PHF20: variants seen among roughly 807,000 people sequenced by gnomAD.
PHF20 encodes glioma-expressed antigen 2.
A neutral mutation model predicts 113.5 loss-of-function variants in PHF20; 23 were observed. The observed-to-expected ratio is 0.20, with a 90% CI of 0.15 to 0.29. The LOEUF is 0.29. Ranked by LOEUF, PHF20 falls within the 10% of genes least tolerant of loss-of-function variation. The pLI, the probability that PHF20 is intolerant of heterozygous loss-of-function variation, is 1.00. For missense variants in PHF20, 943 were observed against 1,219.6 expected, an observed-to-expected ratio of 0.77 and a Z score of 3.38; for synonymous variants, 434 against 457.3, an observed-to-expected ratio of 0.95 and a Z score of 0.65.
At chr20:35,947,350 GCCCCAT>G in intron 17 of PHF20, 129 bp from the exon 18 acceptor site, 2 of 781,384 alleles carry the variant, frequency 2.6e-6, no homozygotes, top group South Asian at 4.6e-5. Context: ...TTCCTCCCTT[GCCCCAT>G]GGAGGCTGAA....
intron 2 of PHF20, among the ~76,000 whole-genome samples, chr20:35,813,934 A>G (rs932736273): frequency 2.6e-5 from 2 of 75,974 alleles, no homozygotes; most frequent in Admixed American, 1.4e-4. Flanking sequence ...TCCGTCTCAG[A>G]AAAAAAAAAA....
Position 35,835,651 on chromosome 20 carries a change from C to T in PHF20, c.84-6922C>T, listed in dbSNP as rs186796152. Among the ~76,000 whole-genome samples, 169 of 152,178 alleles carry T rather than the reference C, an allele frequency of 1.1e-3. 1 individual carries two copies. Among genetic ancestry groups the T allele is most frequent in the Middle Eastern group, 3.4e-3 (1 of 294 alleles). On this transcript the variant is annotated intron_variant, in intron 2 of 17. Transcript: ENST00000374012. ...ATTATATTTACAGAATAAAAGAGTCCGGGCACAGTGGCTCACGCCTATAAT... is the reference window on the plus strand; with the variant it reads ...ATTATATTTACAGAATAAAAGAGTCTGGGCACAGTGGCTCACGCCTATAAT...
rs117808406 is a variant in PHF20, at chr20:35,894,877, C to T, written c.1283-4493C>T. On this transcript the variant is annotated intron_variant, in intron 9 of 17. Coordinates refer to ENST00000374012, the MANE Select transcript of PHF20 (RefSeq NM_016436.5). ...CAAGTTTTTGTTTTTGTTTTTGAGACGGAGTCTCACTCTTGTCACCCAGGC... is the reference window on the plus strand; with the variant it reads ...CAAGTTTTTGTTTTTGTTTTTGAGATGGAGTCTCACTCTTGTCACCCAGGC... Among the ~76,000 whole-genome samples, 160 of 152,246 alleles carry T rather than the reference C, an allele frequency of 1.1e-3. 3 individuals are homozygous for T. In the East Asian group the frequency reaches 0.027, roughly 26 times the overall value.
chr20:35,947,388 C>G lies in PHF20; in HGVS notation c.2897-97C>G, dbSNP rs2056104529. The G allele has an allele frequency of 6.8e-6, 9 of 1,331,818 alleles. No homozygotes were observed. The South Asian group carries it at 9.2e-5, about 14-fold the overall frequency. 82.5% of individuals were successfully genotyped at this position (1,331,818 alleles called of 1,614,324 possible). ...TGAAATGGCCCTTCCTCCCTTGCCC[C>G]ATGTCTGATGGAATAAGGTGCTGAA... is the stretch of plus-strand genomic sequence containing the variant. On this transcript the variant is annotated intron_variant, in intron 17 of 17. Transcript: ENST00000374012.
chr20:35,890,442 A>T (rs1034319300), intron 9 of PHF20, among the ~76,000 whole-genome samples: 2 of 152,244 alleles, frequency 1.3e-5, no homozygotes, highest in Non-Finnish European at 2.9e-5. Context: ...GGGCAATTAG[A>T]TGTTAGAATT....
At chr20:35,889,398 G>A (rs564984952) in intron 9 of PHF20, among the ~76,000 whole-genome samples, 2 of 151,986 alleles carry the variant, frequency 1.3e-5, no homozygotes, top group East Asian at 1.9e-4. Context: ...GTCTCACTCT[G>A]TCACCCAGGC....
intron 7 of PHF20, 22 bp downstream of exon 7, chr20:35,869,573 G>C: frequency 7.8e-7 from 1 of 1,288,708 alleles, no homozygotes; most frequent in Non-Finnish European, 1.1e-6. Flanking sequence ...GTTTGTTTAT[G>C]TGTGGCTAGA....
intron 2 of PHF20, among the ~76,000 whole-genome samples, chr20:35,807,295 T>C (rs985513079): frequency 2.0e-5 from 3 of 152,042 alleles, no homozygotes; most frequent in Non-Finnish European, 4.4e-5. Context: ...TTGCATGTTA[T>C]CTGTTAGATT....
chr20:35,935,417 A>G lies in PHF20; in HGVS notation c.2301-3280A>G, dbSNP rs545959538. On this transcript the variant is annotated intron_variant, in intron 15 of 17. Coordinates refer to ENST00000374012, the MANE Select transcript of PHF20 (RefSeq NM_016436.5). ...GGTCTCACTCTGTCACCCAGGCTGG[A>G]GTGCAGTGGTATGATCGCGGCTCAC... Among the ~76,000 whole-genome samples the G allele has an allele frequency of 1.9e-3, 285 of 152,182 alleles. 1 individual carries two copies. The highest frequency in any genetic ancestry group is 6.7e-3 in the African/African-American group (278 of 41,512).
chr20:35,778,209 G>T (rs564967693), intron 1 of PHF20, among the ~76,000 whole-genome samples: 1 of 152,228 alleles, frequency 6.6e-6, no homozygotes, highest in South Asian at 2.1e-4. Flanking sequence ...TCAGCCTCCT[G>T]AGTAGCTGGG....
In PHF20 at chr20:35,938,869, C is replaced by G. The variant is rs755630412; in HGVS notation, c.2473C>G (p.Pro825Ala). The G allele has an allele frequency of 1.2e-6, 2 of 1,614,174 alleles. No individual in the cohort carries two copies. Among genetic ancestry groups the G allele is most frequent in the Non-Finnish European group, 8.5e-7 (1 of 1,179,992 alleles). ...GGAGAAGCCCAGGCCCCTGGCCCTG[C>G]CCCTGCCGCGTTCTGTGGAGGAATC... ...AVEKPRPLALPLPRSVEESYI... is the reference protein window; with the variant it reads ...AVEKPRPLALALPRSVEESYI... The change falls in exon 16 of 18, where the codon CCC becomes GCC. Residue 825 changes from proline to alanine, a missense_variant. Pro to Ala is a conservative substitution (Grantham distance 27). Transcript: ENST00000374012.
rs2056131898 is a variant in PHF20, at chr20:35,948,960, A to G, written c.*1333A>G. On this transcript the variant is annotated 3_prime_UTR_variant, in exon 18 of 18. Transcript: ENST00000374012. The stretch of plus-strand genomic sequence containing the variant: ...ATGTAAACGTGAAGTAGCCAATAAT[A>G]TCTCAATAGTAGTAACAGTATCTTT... 1 of 152,666 alleles carries G rather than the reference A, an allele frequency of 6.6e-6. No homozygotes were observed. The highest frequency in any genetic ancestry group is 1.5e-5 in the Non-Finnish European group (1 of 68,050). 9.5% of individuals were successfully genotyped at this position (152,666 alleles called of 1,614,324 possible).
chr20:35,805,354 T>TTTATTATTA (rs3056929), intron 2 of PHF20, among the ~76,000 whole-genome samples: 3,719 of 125,140 alleles, frequency 0.03, 67 homozygotes, highest in Middle Eastern at 0.047. Flanking sequence ...CGCCTGATTT[T>TTTATTATTA]TTATTATTAT....
chr20:35,918,905 A>G (rs2055456743), intron 13 of PHF20, among the ~76,000 whole-genome samples: 1 of 152,220 alleles, frequency 6.6e-6, no homozygotes, highest in Admixed American at 6.5e-5. Context: ...AAGAATCTGT[A>G]TAGCCTATTG....
intron 2 of PHF20, among the ~76,000 whole-genome samples, chr20:35,830,165 C>T (rs962845616): frequency 6.6e-6 from 1 of 152,002 alleles, no homozygotes; most frequent in Non-Finnish European, 1.5e-5. Context: ...CCACCTGCCT[C>T]GGCCTCCCAG....
At chr20:35,811,508 T>C (rs1309701984) in intron 2 of PHF20, among the ~76,000 whole-genome samples, 5 of 151,546 alleles carry the variant, frequency 3.3e-5, no homozygotes, top group Admixed American at 2.0e-4. Flanking sequence ...AATGGCACAA[T>C]CTCGGCTCAC....
At chr20:35,861,368 C>G (rs1380210612) in intron 5 of PHF20, among the ~76,000 whole-genome samples, 1 of 152,020 alleles carries the variant, frequency 6.6e-6, no homozygotes, top group Non-Finnish European at 1.5e-5. Flanking sequence ...ATGTATACAT[C>G]TTTCTGTGTT....
At chr20:35,813,933 GAAAAAA>G (rs57769210) in intron 2 of PHF20, among the ~76,000 whole-genome samples, 4 of 25,000 alleles carry the variant, frequency 1.6e-4, no homozygotes, top group East Asian at 1.4e-3. Context: ...CTCCGTCTCA[GAAAAAA>G]AAAAAAAAAA....
intron 2 of PHF20, among the ~76,000 whole-genome samples, chr20:35,833,695 A>C (rs1188409498): frequency 6.6e-6 from 1 of 151,980 alleles, no homozygotes; most frequent in African/African-American, 2.4e-5. Flanking sequence ...CCCTTTCCCA[A>C]CCCTCTAGTT....
Sources: allele counts gnomAD v4.1 joint callset (sites outside exome capture counted in the v4.1 genomes callset), GRCh38; gene constraint gnomAD v4.1.1; transcripts MANE v1.5; gene names NCBI Gene and HGNC (gene_info 2026-07-23, HGNC 2026-07-21).